The following EML1 variants were observed in gnomAD, a reference collection of about 807,000 sequenced individuals.
The protein encoded by EML1 is echinoderm microtubule-associated protein-like 1.
EML1 carries 27 observed loss-of-function variants against 110.4 expected under a neutral mutation model. The ratio of observed to expected loss-of-function variants is 0.24; its 90% confidence interval spans 0.18 to 0.34. The LOEUF (loss-of-function observed/expected upper bound fraction) is 0.34. Among genes scored for constraint, EML1 ranks in the 10% least tolerant of loss-of-function variants. EML1 has a pLI of 1.00. For synonymous variants in EML1, 344 were observed against 385.8 expected (o/e 0.89, Z 1.27); for missense variants, 741 against 1,030.9 (o/e 0.72, Z 3.85).
Position 99,834,594 on chromosome 14 carries a change from C to T in EML1, c.68-16259C>T, listed in dbSNP as rs191126601. On this transcript the variant is annotated intron_variant, in intron 1 of 21. Transcript: ENST00000262233. Reference sequence around the variant, plus strand: ...GATTACAAGTGTGAGGTACTGTGCCCGGCCTGCATTTATTTTCATGAGGGA... The same window carrying T: ...GATTACAAGTGTGAGGTACTGTGCCTGGCCTGCATTTATTTTCATGAGGGA... 7.4e-4 allele frequency among the ~76,000 whole-genome samples: 113 copies of T among 152,094 alleles called. 1 individual carries two copies. Among genetic ancestry groups the T allele is most frequent in the African/African-American group, 2.6e-3 (108 of 41,484 alleles).
At chr14:99,788,386 G>A (rs1262062545) in intron 1 of EML1, among the ~76,000 whole-genome samples, 1 of 152,100 alleles carries the variant, frequency 6.6e-6, no homozygotes, top group African/African-American at 2.4e-5. Context: ...ACAAATACTC[G>A]TTCTTACTAT....
chr14:99,831,292 A>G (rs1042094265), intron 1 of EML1, among the ~76,000 whole-genome samples: 4 of 152,160 alleles, frequency 2.6e-5, no homozygotes, highest in Admixed American at 2.6e-4. Flanking sequence ...AAATGATTCC[A>G]TTGATCATCC....
intron 4 of EML1, among the ~76,000 whole-genome samples, chr14:99,890,874 C>A (rs538555692): frequency 3.9e-4 from 60 of 151,982 alleles, no homozygotes; most frequent in Middle Eastern, 3.4e-3. Context: ...GGAATAAAAA[C>A]AACCGTTTTT....
chr14:99,762,536 G>A (rs1163395026), intron 1 of EML1, among the ~76,000 whole-genome samples: 2 of 152,172 alleles, frequency 1.3e-5, no homozygotes, highest in African/African-American at 4.8e-5. Flanking sequence ...AGTGACTCAT[G>A]CCTATAATCC....
chr14:99,861,321 T>C (rs990245245), intron 2 of EML1, among the ~76,000 whole-genome samples: 1 of 152,222 alleles, frequency 6.6e-6, no homozygotes, highest in African/African-American at 2.4e-5. Flanking sequence ...GAGGCCCCAC[T>C]TTCTTTTACA....
intron 13 of EML1, among the ~76,000 whole-genome samples, chr14:99,913,030 AATT>A (rs1197973590): frequency 6.6e-6 from 1 of 152,120 alleles, no homozygotes; most frequent in East Asian, 1.9e-4. Flanking sequence ...CATCATAGCA[AATT>A]GTTCTTAATG....
At chr14:99,933,214 C>T (rs959940624) in intron 17 of EML1, among the ~76,000 whole-genome samples, 5 of 152,114 alleles carry the variant, frequency 3.3e-5, no homozygotes, top group African/African-American at 1.2e-4. Flanking sequence ...GTCGCTCTGT[C>T]GCCCAGGCTA....
intron 12 of EML1, among the ~76,000 whole-genome samples, 163 bp from the exon 13 acceptor site, chr14:99,911,248 ATGCTTGTCTGG>A (rs2059941029): frequency 6.6e-6 from 1 of 152,178 alleles, no homozygotes; most frequent in African/African-American, 2.4e-5. Flanking sequence ...AACCCATTTC[ATGCTTGTCTGG>A]TGCTCTGCGA....
chr14:99,914,514 A>C (rs2060000811), intron 14 of EML1, 52 bp from the exon 15 acceptor site: 1 of 1,556,678 alleles, frequency 6.4e-7, no homozygotes, highest in East Asian at 2.3e-5. Flanking sequence ...ACGGCTCCTG[A>C]GTGCGAACTG....
chr14:99,854,535 C>G (rs2058868476), intron 2 of EML1, among the ~76,000 whole-genome samples: 1 of 152,148 alleles, frequency 6.6e-6, no homozygotes, highest in Non-Finnish European at 1.5e-5. Flanking sequence ...CACCAGTTAC[C>G]CAGGTCTTCT....
At chr14:99,787,802 G>C (rs961393655) in intron 1 of EML1, among the ~76,000 whole-genome samples, 4 of 152,114 alleles carry the variant, frequency 2.6e-5, no homozygotes, top group African/African-American at 9.7e-5. Flanking sequence ...CCCTCTGTGT[G>C]CATCTGTGTC....
At chr14:99,856,665 C>T (rs1031688554) in intron 2 of EML1, among the ~76,000 whole-genome samples, 1 of 152,120 alleles carries the variant, frequency 6.6e-6, no homozygotes, top group African/African-American at 2.4e-5. Context: ...TCATTAGCTG[C>T]CCTCTCCAGT....
chr14:99,816,911 G>A (rs8181926), intron 1 of EML1, among the ~76,000 whole-genome samples: 51,188 of 152,078 alleles, frequency 0.34, 9,639 homozygotes, highest in South Asian at 0.53. Flanking sequence ...TTGTAACACC[G>A]TGCTTTGATT....
chr14:99,809,437 T>A (rs2058037219), intron 1 of EML1: 1 of 329,292 alleles, frequency 3.0e-6, no homozygotes, highest in Non-Finnish European at 6.0e-6. Flanking sequence ...GCATACTTAC[T>A]CACGCAATTT....
At chr14:99,935,993 T>C (rs1218544932) in intron 17 of EML1, 36 bp from the exon 18 acceptor site, 2 of 1,491,208 alleles carry the variant, frequency 1.3e-6, no homozygotes, top group Non-Finnish European at 1.8e-6. Flanking sequence ...ATGTGTATTG[T>C]TAACATCTGA....
At chr14:99,930,130 C>T (rs2060340237) in intron 17 of EML1, among the ~76,000 whole-genome samples, 1 of 152,166 alleles carries the variant, frequency 6.6e-6, no homozygotes, top group Non-Finnish European at 1.5e-5. Context: ...TTAGGAGGAA[C>T]TGGGGCTATT....
rs138945708 is a variant in EML1, at chr14:99,874,795, AT to A, written c.384-3687del. Reference sequence around the variant, plus strand: ...TGTGAAGGATTATATCCACGTCTATATTTGCGAACCAAAATGTCTTTCGATT... The same window carrying A: ...TGTGAAGGATTATATCCACGTCTATATTGCGAACCAAAATGTCTTTCGATT... On this transcript the variant is annotated intron_variant, in intron 3 of 21. Transcript: ENST00000262233. 377 of 595,766 alleles carry A rather than the reference AT, an allele frequency of 6.3e-4. 2 individuals carry two copies. The highest frequency in any genetic ancestry group is 9.4e-4 in the Non-Finnish European group (337 of 359,052). The allele number at this position is 595,766 out of a possible 1,614,324, so 36.9% of individuals were successfully genotyped here.
At chr14:99,766,309 C>T (rs2057368896) in intron 1 of EML1, among the ~76,000 whole-genome samples, 1 of 151,866 alleles carries the variant, frequency 6.6e-6, no homozygotes, top group Non-Finnish European at 1.5e-5. Flanking sequence ...ATTCTCCTGC[C>T]TCAGCCTCCT....
chr14:99,919,524 C>A (rs962645733), intron 16 of EML1, among the ~76,000 whole-genome samples: 2 of 152,056 alleles, frequency 1.3e-5, no homozygotes, highest in East Asian at 3.9e-4. Context: ...AGGCTCCCAC[C>A]TTCTGATGAC....
Sources: gnomAD v4.1 joint callset for allele counts (sites outside exome capture counted in the v4.1 genomes callset) on GRCh38, gnomAD v4.1.1 for gene constraint, MANE v1.5 for transcripts, NCBI Gene and HGNC (gene_info 2026-07-23, HGNC 2026-07-21) for gene names.